WDFY2: variants seen among roughly 807,000 people sequenced by gnomAD.
The protein encoded by WDFY2 is WD repeat and FYVE domain-containing protein 2.
WDFY2 carries 36 observed loss-of-function variants against 56.4 expected under a neutral mutation model. The ratio of observed to expected loss-of-function variants is 0.64; its 90% CI spans 0.49 to 0.84. The LOEUF (loss-of-function observed/expected upper bound fraction) is 0.84. Among genes scored for constraint, WDFY2 ranks in the 40% least tolerant of loss-of-function variants. The pLI, the probability that WDFY2 is intolerant of heterozygous loss-of-function variation, is 0.00. For synonymous variants in WDFY2, 176 were observed against 183.7 expected (o/e 0.96, Z 0.34); for missense variants, 444 against 512.2 (o/e 0.87, Z 1.29).
intron 2 of WDFY2, among the ~76,000 whole-genome samples, chr13:51,672,008 T>A (rs1274834505): frequency 1.3e-5 from 2 of 152,136 alleles, no homozygotes; most frequent in Non-Finnish European, 2.9e-5. Flanking sequence ...GGTCTCAATC[T>A]CCTGACCTCA....
intron 1 of WDFY2, among the ~76,000 whole-genome samples, chr13:51,625,415 G>A (rs968613224): frequency 6.6e-6 from 1 of 152,138 alleles, no homozygotes; most frequent in Non-Finnish European, 1.5e-5. Context: ...AGTTTGTTCT[G>A]TTTTAAGGTG....
chr13:51,664,715 C>T (rs901245361), intron 2 of WDFY2, among the ~76,000 whole-genome samples: 3 of 152,178 alleles, frequency 2.0e-5, no homozygotes, highest in African/African-American at 7.2e-5. Context: ...CCTCATTGTA[C>T]ACCTCCTAAT....
intron 2 of WDFY2, among the ~76,000 whole-genome samples, chr13:51,673,616 T>C (rs1053575802): frequency 1.3e-5 from 2 of 152,226 alleles, no homozygotes; most frequent in African/African-American, 4.8e-5. Context: ...TTTTTTCAGC[T>C]AACAATTTTC....
intron 3 of WDFY2, among the ~76,000 whole-genome samples, chr13:51,694,577 G>T (rs1951821041): frequency 6.6e-6 from 1 of 152,132 alleles, no homozygotes; most frequent in Admixed American, 6.5e-5. Context: ...GCTTCCCTTT[G>T]TGGGTAACCC....
In WDFY2 at chr13:51,612,883, A is replaced by G. The variant is rs946226622; in HGVS notation, c.137+28059A>G. On this transcript the variant is annotated intron_variant, in intron 1 of 11. Coordinates refer to ENST00000298125, the MANE Select transcript of WDFY2 (RefSeq NM_052950.4). ...ATATTTCTTCTTATTACAGAGGCAA[A>G]TCAGGACAGTGTTCAATGTGAGTAA... is the stretch of plus-strand genomic sequence containing the variant. 5.1e-4 allele frequency among the ~76,000 whole-genome samples: 77 copies of G among 152,222 alleles called. 2 individuals carry two copies. The highest frequency in any genetic ancestry group is 1.5e-5 in the Non-Finnish European group (1 of 68,038).
chr13:51,734,179 G>A (rs1952785263), intron 6 of WDFY2, among the ~76,000 whole-genome samples: 1 of 152,056 alleles, frequency 6.6e-6, no homozygotes, highest in Non-Finnish European at 1.5e-5. Flanking sequence ...CCCTGATTTT[G>A]TAACACTCCA....
At chr13:51,705,408 A>G (rs1952062067) in intron 4 of WDFY2, among the ~76,000 whole-genome samples, 1 of 152,196 alleles carries the variant, frequency 6.6e-6, no homozygotes, top group African/African-American at 2.4e-5. Flanking sequence ...ACACAGCAAT[A>G]GGTAACTAAT....
intron 1 of WDFY2, among the ~76,000 whole-genome samples, chr13:51,652,722 G>A (rs1006527092): frequency 2.0e-4 from 30 of 152,138 alleles, no homozygotes; most frequent in African/African-American, 6.0e-4. Flanking sequence ...TAAGAGTGTT[G>A]AATATTGGCC....
chr13:51,688,432 T>C (rs919647101), intron 3 of WDFY2, among the ~76,000 whole-genome samples: 8 of 152,144 alleles, frequency 5.3e-5, no homozygotes, highest in African/African-American at 1.7e-4. Flanking sequence ...TCTTTGAGGT[T>C]TGTGTGAGTC....
intron 11 of WDFY2, 54 bp from the exon 12 acceptor site, chr13:51,759,686 T>C: frequency 2.5e-6 from 4 of 1,590,346 alleles, no homozygotes; most frequent in East Asian, 2.2e-5. Flanking sequence ...TTCTAAGGAC[T>C]GTTATCCTCA....
chr13:51,615,058 C>T (rs1315566225), intron 1 of WDFY2, among the ~76,000 whole-genome samples: 1 of 152,110 alleles, frequency 6.6e-6, no homozygotes, highest in African/African-American at 2.4e-5. Flanking sequence ...ATTTATTAAG[C>T]TTGGAATTAG....
At chr13:51,640,400 T>G (rs1314209146) in intron 1 of WDFY2, among the ~76,000 whole-genome samples, 1 of 152,254 alleles carries the variant, frequency 6.6e-6, no homozygotes, top group African/African-American at 2.4e-5. Context: ...TCGTATTTCA[T>G]GCATCTACTC....
chr13:51,740,006 A>G (rs541229919), intron 7 of WDFY2, among the ~76,000 whole-genome samples: 2 of 152,210 alleles, frequency 1.3e-5, no homozygotes, highest in Non-Finnish European at 2.9e-5. Flanking sequence ...ATATTGAGCA[A>G]CCCTTGACAG....
intron 3 of WDFY2, among the ~76,000 whole-genome samples, chr13:51,678,379 CTA>C (rs1955923043): frequency 6.6e-6 from 1 of 152,082 alleles, no homozygotes; most frequent in Non-Finnish European, 1.5e-5. Context: ...AGTATAAACA[CTA>C]TTATTATTTA....
At chr13:51,692,813 C>G (rs908815173) in intron 3 of WDFY2, among the ~76,000 whole-genome samples, 9 of 152,156 alleles carry the variant, frequency 5.9e-5, no homozygotes, top group Non-Finnish European at 7.3e-5. Context: ...GGCTGTGAAT[C>G]CATATGGTCC....
rs549651532 is a variant in WDFY2 at position 51,616,414 on chromosome 13, T to A, written c.137+31590T>A. 2.2e-4 allele frequency among the ~76,000 whole-genome samples: 34 copies of A among 152,284 alleles called. No individual in the cohort carries two copies. The South Asian group carries it at 6.8e-3, about 31-fold the overall frequency. On this transcript the variant is annotated intron_variant, in intron 1 of 11. Coordinates refer to ENST00000298125, the MANE Select transcript of WDFY2 (RefSeq NM_052950.4). ...ATATTGGAAAAGAAATGCTGTCTTCTTTTTTTCAATTACCTAGTACTCACC... is the reference window on the plus strand; with the variant it reads ...ATATTGGAAAAGAAATGCTGTCTTCATTTTTTCAATTACCTAGTACTCACC...
chr13:51,698,368 CTG>C (rs1951918656), intron 3 of WDFY2, among the ~76,000 whole-genome samples: 1 of 152,144 alleles, frequency 6.6e-6, no homozygotes, highest in Admixed American at 6.6e-5. Context: ...TATCAGAAAA[CTG>C]TTTAACAATA....
At chr13:51,692,572 G>A (rs1415978577) in intron 3 of WDFY2, among the ~76,000 whole-genome samples, 8 of 152,272 alleles carry the variant, frequency 5.3e-5, no homozygotes, top group East Asian at 1.9e-4. Context: ...TAAGCTTTTC[G>A]ATGTGCTGCT....
intron 1 of WDFY2, among the ~76,000 whole-genome samples, chr13:51,651,443 C>T (rs1276303345): frequency 6.6e-6 from 1 of 152,098 alleles, no homozygotes; most frequent in Non-Finnish European, 1.5e-5. Context: ...TTAGTTATTT[C>T]TTGCCTTCTG....
Sources: allele counts gnomAD v4.1 joint callset (sites outside exome capture counted in the v4.1 genomes callset), GRCh38; gene constraint gnomAD v4.1.1; transcripts MANE v1.5; gene names NCBI Gene and HGNC (gene_info 2026-07-23, HGNC 2026-07-21).